STIL: variants seen among roughly 807,000 people sequenced by gnomAD.
The protein encoded by STIL is SCL-interrupting locus protein.
A neutral mutation model predicts 110.1 loss-of-function variants in STIL; 55 were observed. The observed-to-expected ratio is 0.50, with a 90% confidence interval of 0.40 to 0.63. The LOEUF (loss-of-function observed/expected upper bound fraction) is 0.63, where lower values mean the gene tolerates loss of function less well. Among genes scored for constraint, STIL ranks in the 20% least tolerant of loss-of-function variants. STIL has a pLI of 0.00. For synonymous variants in STIL, 481 were observed against 530.0 expected, an observed-to-expected ratio of 0.91 and a Z score of 1.27; for missense variants, 1,358 against 1,530.0, an observed-to-expected ratio of 0.89 and a Z score of 1.87.
chr1:47,306,282 T>A (rs75260181), intron 2 of STIL, among the ~76,000 whole-genome samples: 29 of 88,602 alleles, frequency 3.3e-4, no homozygotes, highest in African/African-American at 1.0e-3. Flanking sequence ...TTTTTTTTTT[T>A]AAAGAGCAGG....
chr1:47,310,712 A>G (rs1327047900), intron 1 of STIL, among the ~76,000 whole-genome samples: 1 of 152,176 alleles, frequency 6.6e-6, no homozygotes, highest in Non-Finnish European at 1.5e-5. Context: ...CAACCCTCAT[A>G]AAACCATGAA....
chr1:47,303,267 A>C (rs1645859530), intron 3 of STIL, among the ~76,000 whole-genome samples: 1 of 152,182 alleles, frequency 6.6e-6, no homozygotes, highest in African/African-American at 2.4e-5. Context: ...GCCACGTTTT[A>C]AAAAACCTAA....
rs74198106 is a variant in STIL at position 47,267,448 on chromosome 1, T to C, written c.2615+2187A>G. 5.2e-3 allele frequency among the ~76,000 whole-genome samples: 789 copies of C among 152,126 alleles called. 2 individuals are homozygous for C. Among genetic ancestry groups the C allele is most frequent in the East Asian group, 0.03 (156 of 5,146 alleles). ...GGCCAGGTGCAGTGGCTCATACCAG[T>C]AATCCCAACAATTTGAAAGGCCGAG... On this transcript the variant is annotated intron_variant, in intron 14 of 16. Transcript: ENST00000371877.
At chr1:47,303,346 C>T (rs936239097) in intron 3 of STIL, among the ~76,000 whole-genome samples, 1 of 152,100 alleles carries the variant, frequency 6.6e-6, no homozygotes, top group African/African-American at 2.4e-5. Flanking sequence ...AGGTGGATCA[C>T]CTGAGGTCAG....
At chr1:47,258,451 T>C (rs1302101308) in intron 16 of STIL, among the ~76,000 whole-genome samples, 1 of 152,208 alleles carries the variant, frequency 6.6e-6, no homozygotes, top group Non-Finnish European at 1.5e-5. Context: ...AGCACTGGGG[T>C]TCAATATATT....
At chr1:47,277,163 C>T (rs1160338548) in intron 12 of STIL, among the ~76,000 whole-genome samples, 1 of 152,010 alleles carries the variant, frequency 6.6e-6, no homozygotes, top group Non-Finnish European at 1.5e-5. Context: ...AAGGAAATAG[C>T]CATTAGAAGG....
intron 2 of STIL, among the ~76,000 whole-genome samples, chr1:47,307,996 T>A (rs1218897908): frequency 6.6e-6 from 1 of 152,218 alleles, no homozygotes; most frequent in South Asian, 2.1e-4. Context: ...CCGGTTGATC[T>A]GAAAACCCTG....
chr1:47,264,930 TAAAA>T (rs35230201), intron 14 of STIL, among the ~76,000 whole-genome samples: 1 of 128,852 alleles, frequency 7.8e-6, no homozygotes, highest in African/African-American at 3.0e-5. Flanking sequence ...TTTCTAAAGT[TAAAA>T]AAAAAAAAAA....
In STIL at chr1:47,286,800, C is replaced by T. The variant is rs956572337; in HGVS notation, c.1133+751G>A. 8.5e-5 allele frequency among the ~76,000 whole-genome samples: 13 copies of T among 152,332 alleles called. No homozygotes were observed. In the Middle Eastern group the frequency reaches 0.014, roughly 159 times the overall value. On this transcript the variant is annotated intron_variant, in intron 10 of 16. Coordinates refer to ENST00000371877, the MANE Select transcript of STIL (RefSeq NM_001048166.1). The stretch of plus-strand genomic sequence containing the variant: ...TAATGTTTTAAAAACACTGGGTGAT[C>T]AATTTCAGGACCTGAGTGTGTGTAA...
At chr1:47,256,438 T>C (rs772255912) in intron 16 of STIL, among the ~76,000 whole-genome samples, 15 of 150,542 alleles carry the variant, frequency 1.0e-4, no homozygotes, top group African/African-American at 1.5e-4. Context: ...CTGGCCAATA[T>C]AGTGAAACCC....
At chr1:47,279,743 A>AAC (rs1553175298) in intron 12 of STIL, among the ~76,000 whole-genome samples, 12 of 151,558 alleles carry the variant, frequency 7.9e-5, no homozygotes, top group African/African-American at 2.7e-4. Context: ...AAAAAAAAAA[A>AAC]AACAACAAAA....
At chr1:47,287,685 G>T in intron 9 of STIL, 25 bp from the exon 10 acceptor site, 1 of 1,551,826 alleles carries the variant, frequency 6.4e-7, no homozygotes, top group South Asian at 1.1e-5. Context: ...GTCATATTTT[G>T]AGATCTGACT....
intron 16 of STIL, among the ~76,000 whole-genome samples, chr1:47,254,937 C>T (rs1207078686): frequency 6.6e-6 from 1 of 152,102 alleles, no homozygotes; most frequent in African/African-American, 2.4e-5. Flanking sequence ...CTAACACAAG[C>T]TAGCCAATTT....
Position 47,295,619 on chromosome 1 carries a change from C to T in STIL, c.785+146G>A, listed in dbSNP as rs1383040566. ...TAAAATCTTATTTTAGCTGATTCTA[C>T]TAGTAAAATAAGAAAACCTGACAAC... On this transcript the variant is annotated intron_variant, in intron 7 of 16. Coordinates refer to ENST00000371877, the MANE Select transcript of STIL (RefSeq NM_001048166.1). The T allele has an allele frequency of 4.8e-6, 3 of 625,218 alleles. No individual in the cohort carries two copies. In the Admixed American group the frequency reaches 8.1e-5, roughly 17 times the overall value. The allele number at this position is 625,218 out of a possible 1,614,324, so 38.7% of individuals were successfully genotyped here. A position where few individuals can be genotyped will look rare whatever the true frequency, so the allele number is the denominator to read the frequency against.
chr1:47,270,946 A>C (rs1184700030), intron 13 of STIL, among the ~76,000 whole-genome samples: 5 of 152,060 alleles, frequency 3.3e-5, no homozygotes, highest in Non-Finnish European at 7.4e-5. Context: ...CCCAAAGTGC[A>C]AACATTATAG....
chr1:47,272,192 G>T lies in STIL; in HGVS notation c.2267C>A (p.Thr756Lys). The change falls in exon 13 of 17, where the codon ACA (threonine) becomes AAA (lysine). Residue 756 changes from threonine to lysine, a missense_variant. Thr to Lys is a moderately conservative substitution (Grantham distance 78). Coordinates refer to ENST00000371877, the MANE Select transcript of STIL (RefSeq NM_001048166.1). ...TTGCACTGTGTCTTCAACAGCAGTT[G>T]TCTTAGGGGAACAGGGCATCAGAGA... is the stretch of plus-strand genomic sequence containing the variant. Reference protein sequence around the residue: ...AQSLMPCSPKTTAVEDTVQAG... With the variant: ...AQSLMPCSPKKTAVEDTVQAG... The T allele has an allele frequency of 6.2e-7, 1 of 1,614,154 alleles. No homozygotes were observed. Among genetic ancestry groups the T allele is most frequent in the East Asian group, 2.2e-5 (1 of 44,884 alleles).
At position 47,285,020 on chromosome 1, in the gene STIL, C is replaced by CTTTT. The variant is rs35801422; in HGVS notation, c.1133+2527_1133+2530dup. On this transcript the variant is annotated intron_variant, in intron 10 of 16. Coordinates refer to ENST00000371877, the MANE Select transcript of STIL (RefSeq NM_001048166.1). ...CAGCCTACCTGTAGACATTTTTTGT[C>CTTTT]TTTTTTTTTTTTTTTTTCTTTGAGA... is the stretch of plus-strand genomic sequence containing the variant. Among the ~76,000 whole-genome samples, 278 of 134,672 alleles carry CTTTT rather than the reference C, an allele frequency of 2.1e-3. 4 individuals are homozygous for CTTTT. Among genetic ancestry groups the CTTTT allele is most frequent in the East Asian group, 7.9e-3 (36 of 4,536 alleles). 88.4% of individuals were successfully genotyped at this position (134,672 alleles called of 152,430 possible). A position where few individuals can be genotyped will look rare whatever the true frequency, so the allele number is the denominator to read the frequency against.
chr1:47,284,520 T>C (rs1367503055), intron 10 of STIL, among the ~76,000 whole-genome samples: 1 of 152,156 alleles, frequency 6.6e-6, no homozygotes, highest in East Asian at 1.9e-4. Context: ...GAAATTGCTA[T>C]TGTCTCCTTA....
chr1:47,257,680 T>C (rs1331171588), intron 16 of STIL, among the ~76,000 whole-genome samples: 1 of 152,216 alleles, frequency 6.6e-6, no homozygotes, highest in Non-Finnish European at 1.5e-5. Context: ...CTACCTTTCT[T>C]TTTTCCTTTC....
Sources: gnomAD v4.1 joint callset for allele counts (sites outside exome capture counted in the v4.1 genomes callset) on GRCh38, gnomAD v4.1.1 for gene constraint, MANE v1.5 for transcripts, NCBI Gene and HGNC (gene_info 2026-07-23, HGNC 2026-07-21) for gene names.